GSE1: variants seen among roughly 807,000 people sequenced by gnomAD.
The protein encoded by GSE1 is genetic suppressor element 1.
Under a neutral mutation model 112.6 loss-of-function variants are expected in GSE1, and 32 were observed. The observed-to-expected ratio is 0.28, with a 90% confidence interval of 0.21 to 0.38. The LOEUF (loss-of-function observed/expected upper bound fraction) is 0.38. Ranked by LOEUF, GSE1 falls within the 10% of genes least tolerant of loss-of-function variation. The pLI is 1.00. For synonymous variants in GSE1, 1,115 were observed against 735.6 expected (o/e 1.52, Z -8.35); for missense variants, 2,348 against 1,699.2 (o/e 1.38, Z -6.71).
chr16:85,249,860 G>T (rs1406369389), intron 1 of GSE1, among the ~76,000 whole-genome samples: 1 of 152,250 alleles, frequency 6.6e-6, no homozygotes, highest in East Asian at 1.9e-4. Flanking sequence ...CATCGCTCCA[G>T]TTGTCCTCCA....
At position 85,658,609 on chromosome 16, in the gene GSE1, C is replaced by T. The variant is rs1042479419; in HGVS notation, c.1640+1005C>T. Among the ~76,000 whole-genome samples, 4 of 152,296 alleles carry T rather than the reference C, an allele frequency of 2.6e-5. No homozygotes were observed. The South Asian group carries it at 8.3e-4, about 32-fold the overall frequency. On this transcript the variant is annotated intron_variant, in intron 8 of 15. Transcript: ENST00000253458. ...ATCAGGGATGACTGGGAGTGACTGT[C>T]ACCAGGCCACAGCTAAGTCTCCCTG...
upstream of GSE1, among the ~76,000 whole-genome samples, chr16:85,610,073 G>C (rs917275715): frequency 3.3e-5 from 5 of 152,238 alleles, no homozygotes; most frequent in Non-Finnish European, 5.9e-5. Context: ...CCTGAGGCAG[G>C]TGAGGGGCTG....
intron 2 of GSE1, among the ~76,000 whole-genome samples, chr16:85,522,107 G>A (rs1245783099): frequency 6.6e-6 from 1 of 152,182 alleles, no homozygotes; most frequent in Non-Finnish European, 1.5e-5. Context: ...GCTGCTCTAA[G>A]GATTTAATGA....
chr16:85,568,216 C>A (rs961387900), intron 1 of GSE1, among the ~76,000 whole-genome samples: 1 of 152,236 alleles, frequency 6.6e-6, no homozygotes, highest in African/African-American at 2.4e-5. Context: ...CCATCTTCTT[C>A]CAGGGTCTGC....
intron 10 of GSE1, 28 bp downstream of exon 10, chr16:85,663,121 G>A (rs985876631): frequency 6.8e-7 from 1 of 1,469,458 alleles, no homozygotes; most frequent in Non-Finnish European, 9.5e-7. Flanking sequence ...CCACGGACAT[G>A]CTCTGGGCTG....
intron 1 of GSE1, among the ~76,000 whole-genome samples, chr16:85,302,123 C>A (rs1004243433): frequency 3.3e-5 from 5 of 152,172 alleles, no homozygotes; most frequent in Non-Finnish European, 5.9e-5. Flanking sequence ...TCCAATTTCC[C>A]GTCTTGGAAT....
chr16:85,328,779 G>T (rs183731494), intron 1 of GSE1, among the ~76,000 whole-genome samples: 49 of 151,994 alleles, frequency 3.2e-4, no homozygotes, highest in African/African-American at 1.2e-3. Flanking sequence ...TGATTGACAA[G>T]GCCTTGCGGC....
rs767963495 is a variant in GSE1, at chr16:85,478,913, TTC to T, written c.2464+121272_2464+121273del. On this transcript the variant is annotated intron_variant, in intron 2 of 2. Coordinates refer to the GSE1 transcript ENST00000637419. ...TTTCTTTCTTTCTTTCTTTCTTTCT[TTC>T]TTTCTTTCTTTCTCTTTCTTTCTTT... Among the ~76,000 whole-genome samples, 391 of 68,092 alleles carry T rather than the reference TTC, an allele frequency of 5.7e-3. 21 individuals are homozygous for T. Among genetic ancestry groups the T allele is most frequent in the African/African-American group, 8.7e-3 (116 of 13,336 alleles). The allele number at this position is 68,092 out of a possible 152,430, so 44.7% of individuals were successfully genotyped here.
In GSE1 at chr16:85,393,698, AC is replaced by A. The variant is rs549944677; in HGVS notation, c.2464+36058del. Reference sequence around the variant, plus strand: ...CAGGACCCCAAGGCAGGGGACCTGCACCCAGGAGGCAGCAGGCGGTTCAGGG... The same window carrying A: ...CAGGACCCCAAGGCAGGGGACCTGCACCAGGAGGCAGCAGGCGGTTCAGGG... On this transcript the variant is annotated intron_variant, in intron 2 of 2. Transcript: ENST00000637419. Among the ~76,000 whole-genome samples, 38 of 152,336 alleles carry A rather than the reference AC, an allele frequency of 2.5e-4. No individual in the cohort carries two copies. In the South Asian group the frequency reaches 7.7e-3, roughly 31 times the overall value.
chr16:85,278,355 C>G (rs1909581720), intron 1 of GSE1, among the ~76,000 whole-genome samples: 1 of 152,182 alleles, frequency 6.6e-6, no homozygotes, highest in Non-Finnish European at 1.5e-5. Context: ...CTCTGAGCAC[C>G]CTTACTGAGC....
intron 1 of GSE1, among the ~76,000 whole-genome samples, chr16:85,277,254 G>A (rs1896555544): frequency 6.6e-6 from 1 of 152,176 alleles, no homozygotes; most frequent in South Asian, 2.1e-4. Context: ...ATTTCCTTCT[G>A]GGGTTCTGGC....
chr16:85,339,389 G>A (rs1035576816), intron 1 of GSE1, among the ~76,000 whole-genome samples: 8 of 152,090 alleles, frequency 5.3e-5, no homozygotes, highest in African/African-American at 1.7e-4. Context: ...AAATGGCCGC[G>A]GTGCTGACGA....
chr16:85,183,131 C>T (rs910112782), intron 1 of GSE1, among the ~76,000 whole-genome samples: 9 of 152,098 alleles, frequency 5.9e-5, no homozygotes, highest in African/African-American at 1.9e-4. Flanking sequence ...ACCCCCTCAC[C>T]GCCACATTCG....
chr16:85,293,558 AT>A (rs1382762969), intron 1 of GSE1, among the ~76,000 whole-genome samples: 1 of 152,072 alleles, frequency 6.6e-6, no homozygotes, highest in Non-Finnish European at 1.5e-5. Flanking sequence ...TCAAAAAAAA[AT>A]TTTTTTTAAA....
intron 1 of GSE1, among the ~76,000 whole-genome samples, chr16:85,616,608 G>GT (rs977304306): frequency 5.9e-5 from 9 of 152,230 alleles, no homozygotes; most frequent in Non-Finnish European, 1.0e-4. Context: ...CGGGAGAGCT[G>GT]TTTTTTTAAC....
intron 1 of GSE1, among the ~76,000 whole-genome samples, chr16:85,235,822 G>A (rs1271551251): frequency 6.6e-6 from 1 of 152,030 alleles, no homozygotes; most frequent in East Asian, 1.9e-4. Context: ...GCTGGAGCCA[G>A]GAGCTGACCT....
chr16:85,190,194 T>C (rs1169107687), intron 1 of GSE1, among the ~76,000 whole-genome samples: 1 of 152,238 alleles, frequency 6.6e-6, no homozygotes, highest in Non-Finnish European at 1.5e-5. Flanking sequence ...TGATGGACAT[T>C]GGTGAAGTCC....
rs115908849 is a variant in GSE1 at position 85,362,674 on chromosome 16, G to A, written c.2464+5031G>A. Among the ~76,000 whole-genome samples the A allele has an allele frequency of 2.8e-3, 420 of 152,234 alleles. 3 individuals are homozygous for A. Among genetic ancestry groups the A allele is most frequent in the African/African-American group, 9.6e-3 (397 of 41,530 alleles). On this transcript the variant is annotated intron_variant, in intron 2 of 2. Transcript: ENST00000637419. ...GCAGGTTGCACACTGCACAACTCCC[G>A]GAGGCACCATTCTTATTGTGGTCTC...
intron 1 of GSE1, among the ~76,000 whole-genome samples, chr16:85,619,368 C>T (rs182489806): frequency 5.3e-5 from 8 of 150,304 alleles, no homozygotes; most frequent in East Asian, 2.0e-4. Context: ...TAAGCCGTCC[C>T]GAAGGAAAAT....
Sources: gnomAD v4.1 joint callset for allele counts (sites outside exome capture counted in the v4.1 genomes callset) on GRCh38, gnomAD v4.1.1 for gene constraint, MANE v1.5 for transcripts, NCBI Gene and HGNC (gene_info 2026-07-23, HGNC 2026-07-21) for gene names.